Variants in PIGK observed in about 807,000 individuals in gnomAD.
PIGK encodes the protein GPI-anchor transamidase.
In PIGK, 42 loss-of-function variants were observed where a neutral mutation model predicts 50.6. That is an observed-to-expected ratio of 0.83 (90% CI 0.65 to 1.07). The LOEUF (loss-of-function observed/expected upper bound fraction) is 1.07. Among genes scored for constraint, PIGK ranks in the 50% least tolerant of loss-of-function variants. PIGK has a pLI of 0.00. For synonymous variants in PIGK, 151 were observed against 156.0 expected, an observed-to-expected ratio of 0.97 and a Z score of 0.24; for missense variants, 448 against 488.7, an observed-to-expected ratio of 0.92 and a Z score of 0.78.
intron 3 of PIGK, among the ~76,000 whole-genome samples, chr1:77,189,738 TATATATATATACACACACACACAC>T (rs1305504045): frequency 6.2e-5 from 2 of 32,104 alleles, no homozygotes; most frequent in African/African-American, 1.5e-4. Context: ...TATATATATA[TATATATATATACACACACACACAC>T]ACACACACAC....
At chr1:77,115,291 C>T (rs1354482625) in intron 10 of PIGK, among the ~76,000 whole-genome samples, 1 of 151,954 alleles carries the variant, frequency 6.6e-6, no homozygotes, top group Non-Finnish European at 1.5e-5. Context: ...TTGAAATATC[C>T]CAATTACAAG....
At chr1:77,142,537 C>G (rs2100543572) in intron 9 of PIGK, among the ~76,000 whole-genome samples, 1 of 152,156 alleles carries the variant, frequency 6.6e-6, no homozygotes, top group African/African-American at 2.4e-5. Flanking sequence ...AATATCCAAG[C>G]TGGGTAATTT....
chr1:77,135,789 A>T (rs1002777171), intron 9 of PIGK, among the ~76,000 whole-genome samples: 136 of 151,456 alleles, frequency 9.0e-4, no homozygotes, highest in African/African-American at 3.2e-3. Flanking sequence ...CTTTTCCCAA[A>T]GGAAAAAAAA....
chr1:77,198,671 A>T (rs1466116237), intron 3 of PIGK, among the ~76,000 whole-genome samples: 1 of 152,030 alleles, frequency 6.6e-6, no homozygotes, highest in Non-Finnish European at 1.5e-5. Context: ...AGATAACTTT[A>T]AAAAGCTACC....
chr1:77,103,804 C>T (rs4949766), intron 10 of PIGK, among the ~76,000 whole-genome samples: 60,912 of 151,968 alleles, frequency 0.4, 14,704 homozygotes, highest in African/African-American at 0.66. Context: ...AGGAATCTAC[C>T]TGCGTTTTTG....
chr1:77,095,629 C>G (rs1653389709), intron 10 of PIGK, among the ~76,000 whole-genome samples: 1 of 152,088 alleles, frequency 6.6e-6, no homozygotes. Flanking sequence ...CTTAGTATCA[C>G]AGGAAAAGCT....
intron 3 of PIGK, among the ~76,000 whole-genome samples, chr1:77,176,854 T>C (rs1219305448): frequency 6.6e-5 from 10 of 152,142 alleles, no homozygotes; most frequent in Non-Finnish European, 1.2e-4. Flanking sequence ...CTTAAAGTTT[T>C]TGTTATTAAA....
At chr1:77,169,528 AGGC>A in intron 3 of PIGK, 133 bp from the exon 4 acceptor site, 3 of 601,870 alleles carry the variant, frequency 5.0e-6, no homozygotes, top group Non-Finnish European at 8.4e-6. Flanking sequence ...ACATAGTTGA[AGGC>A]AATTTAATTA....
intron 9 of PIGK, among the ~76,000 whole-genome samples, chr1:77,136,388 G>T (rs976569283): frequency 6.6e-6 from 1 of 151,542 alleles, no homozygotes; most frequent in Non-Finnish European, 1.5e-5. Context: ...AATTAGCCGG[G>T]CGTAGTGGCG....
chr1:77,212,488 T>A (rs1656442217), intron 1 of PIGK, among the ~76,000 whole-genome samples: 1 of 152,190 alleles, frequency 6.6e-6, no homozygotes, highest in Admixed American at 6.5e-5. Flanking sequence ...AACTTCCACT[T>A]GTACACACAT....
intron 9 of PIGK, among the ~76,000 whole-genome samples, chr1:77,149,403 A>G (rs1236618391): frequency 6.6e-6 from 1 of 152,108 alleles, no homozygotes; most frequent in African/African-American, 2.4e-5. Context: ...AACAAATAGA[A>G]AAAGATATTT....
rs191708519 is a variant in PIGK, at chr1:77,206,389, A to C, written c.239+251T>G. On this transcript the variant is annotated intron_variant, in intron 3 of 10. Transcript: ENST00000370812. ...ACTGAGCCATTTACTAATTAAATACATTACACTAAATAATTATATTTTATC... is the reference window on the plus strand; with the variant it reads ...ACTGAGCCATTTACTAATTAAATACCTTACACTAAATAATTATATTTTATC... 2.7e-3 allele frequency among the ~76,000 whole-genome samples: 416 copies of C among 152,318 alleles called. 1 individual carries two copies. The highest frequency in any genetic ancestry group is 9.2e-3 in the African/African-American group (383 of 41,566).
At chr1:77,101,448 A>G (rs1373229685) in intron 10 of PIGK, among the ~76,000 whole-genome samples, 1 of 152,164 alleles carries the variant, frequency 6.6e-6, no homozygotes, top group Non-Finnish European at 1.5e-5. Context: ...GTGTGATTCT[A>G]CTACATTTTG....
chr1:77,098,337 ATT>A (rs539168663), intron 10 of PIGK, among the ~76,000 whole-genome samples: 2 of 147,162 alleles, frequency 1.4e-5, no homozygotes, highest in Admixed American at 6.8e-5. Flanking sequence ...GGTGGAGGAA[ATT>A]TTTTTTTTTT....
At chr1:77,185,508 G>T (rs116297395) in intron 3 of PIGK, among the ~76,000 whole-genome samples, 2,976 of 152,254 alleles carry the variant, frequency 0.02, 33 homozygotes, top group Non-Finnish European at 0.032. Flanking sequence ...CGTCTAAGGT[G>T]AAGGATAAGT....
At chr1:77,147,634 T>C (rs1654801233) in intron 9 of PIGK, among the ~76,000 whole-genome samples, 1 of 152,156 alleles carries the variant, frequency 6.6e-6, no homozygotes, top group African/African-American at 2.4e-5. Flanking sequence ...TGACACAGAA[T>C]TACCACCAGA....
At chr1:77,167,794 G>C (rs999329711) in intron 4 of PIGK, among the ~76,000 whole-genome samples, 262 of 152,296 alleles carry the variant, frequency 1.7e-3, no homozygotes, top group African/African-American at 6.1e-3. Flanking sequence ...AGGCAATTCT[G>C]TGGGAAGATA....
chr1:77,145,316 C>T (rs558164020), intron 9 of PIGK, among the ~76,000 whole-genome samples: 2 of 151,376 alleles, frequency 1.3e-5, no homozygotes, highest in East Asian at 1.9e-4. Context: ...CAATCTCTAC[C>T]GAAAAATAAA....
intron 3 of PIGK, among the ~76,000 whole-genome samples, chr1:77,183,575 T>C (rs1655670744): frequency 6.6e-6 from 1 of 152,142 alleles, no homozygotes; most frequent in African/African-American, 2.4e-5. Flanking sequence ...CTAATTTTTA[T>C]AAACAGAAAT....
Sources: allele counts gnomAD v4.1 joint callset (sites outside exome capture counted in the v4.1 genomes callset), GRCh38; gene constraint gnomAD v4.1.1; transcripts MANE v1.5; gene names NCBI Gene and HGNC (gene_info 2026-07-23, HGNC 2026-07-21).